Variants in SCGB1D4 observed in about 807,000 individuals in gnomAD.
SCGB1D4 encodes the protein secretoglobin family 1D member 4.
Under a neutral mutation model 8.1 loss-of-function variants are expected in SCGB1D4, and 6 were observed. The ratio of observed to expected loss-of-function variants is 0.74; its 90% CI spans 0.40 to 1.45. The LOEUF (loss-of-function observed/expected upper bound fraction) is 1.45, where lower values mean the gene tolerates loss of function less well. SCGB1D4 is among the 40% of genes most tolerant of loss of function. The probability of loss-of-function intolerance (pLI) is 0.02; values close to 1 mark genes in which losing one functional copy is unlikely to be tolerated. For missense variants in SCGB1D4, 93 were observed against 95.0 expected, an observed-to-expected ratio of 0.98 and a Z score of 0.09; for synonymous variants, 34 against 38.1, an observed-to-expected ratio of 0.89 and a Z score of 0.39.
At chr11:62,297,403 A>G (rs1945448931) in intron 2 of SCGB1D4, 69 bp downstream of exon 2, 2 of 1,245,394 alleles carry the variant, frequency 1.6e-6, no homozygotes, top group African/African-American at 1.5e-5. Flanking sequence ...GTGACCTGAC[A>G]AGAAACATGC....
chr11:62,297,597 G>A lies in SCGB1D4; in HGVS notation c.117C>T (p.Asp39=), dbSNP rs763776364. 1.4e-5 allele frequency: 22 copies of A among 1,614,096 alleles called. No homozygotes were observed. Among genetic ancestry groups the A allele is most frequent in the Non-Finnish European group, 1.7e-5 (20 of 1,179,968 alleles). The change falls in exon 2 of 3, where the codon GAC becomes GAT. Residue 39 remains aspartate, a synonymous_variant. Coordinates refer to ENST00000358585, the MANE Select transcript of SCGB1D4 (RefSeq NM_206998.2). ...SEITVFLFLS[D]AAVNLQVAKL... is the part of the protein sequence containing the mutation. ...TGGCAACTTGGAGGTTTACCGCAGC[G>A]TCACTTAAGAATAAGAAGACTGTGA...
chr11:62,297,505 G>C lies in SCGB1D4; in HGVS notation c.209C>G (p.Ser70Cys). ...LEVKHCTDQI[S>C]FKKRLSLKKS... ...TTTCAATGAGAGTCGTTTCTTAAAAGATATCTGATCGGTGCAGTGCTTCAC... is the reference window on the plus strand; with the variant it reads ...TTTCAATGAGAGTCGTTTCTTAAAACATATCTGATCGGTGCAGTGCTTCAC... Residue 70 changes from serine (S) to cysteine (C), a missense_variant, in exon 2 of 3, where the codon TCT (serine) becomes TGT (cysteine). Ser to Cys is a moderately radical substitution (Grantham distance 112). Transcript: ENST00000358585. 6.3e-7 allele frequency: 1 copy of C among 1,581,286 alleles called. No individual in the cohort carries two copies. Among genetic ancestry groups the C allele is most frequent in the East Asian group, 2.3e-5 (1 of 44,234 alleles).
chr11:62,297,218 C>T (rs922922136), intron 2 of SCGB1D4, among the ~76,000 whole-genome samples: 1 of 152,204 alleles, frequency 6.6e-6, no homozygotes, highest in African/African-American at 2.4e-5. Flanking sequence ...CTGTTCAAAT[C>T]TCCCACACTC....
In SCGB1D4 at chr11:62,296,432, A is replaced by AAAAAG. The variant is rs1554992256; in HGVS notation, c.243-14_243-13insCTTTT. The stretch of plus-strand genomic sequence containing the variant: ...TCACTATTTCCACCTGAAATCAAAA[A>AAAAAG]AAAGAAAGAAAGAAAGAAAGGTGAG... On this transcript the variant is annotated splice_polypyrimidine_tract_variant and intron_variant, in intron 2 of 2. Coordinates refer to ENST00000358585, the MANE Select transcript of SCGB1D4 (RefSeq NM_206998.2). The AAAAAG allele has an allele frequency of 3.5e-5, 56 of 1,608,510 alleles. No homozygotes were observed. Among genetic ancestry groups the AAAAAG allele is most frequent in the South Asian group, 2.8e-4 (25 of 90,858 alleles).
At chr11:62,296,610 A>G (rs983010205) in intron 2 of SCGB1D4, among the ~76,000 whole-genome samples, 191 bp from the exon 3 acceptor site, 1 of 152,210 alleles carries the variant, frequency 6.6e-6, no homozygotes, top group Admixed American at 6.5e-5. Context: ...CTGGTGAGAA[A>G]GCAGCCTTTC....
At position 62,298,151 on chromosome 11, in the gene SCGB1D4, G is replaced by T. The variant is rs116442993; in HGVS notation, c.56-493C>A. Among the ~76,000 whole-genome samples, 606 of 150,186 alleles carry T rather than the reference G, an allele frequency of 4.0e-3. 2 individuals are homozygous for T. The highest frequency in any genetic ancestry group is 0.014 in the African/African-American group (565 of 40,842). The stretch of plus-strand genomic sequence containing the variant: ...GATCTGCCCACTGTGGCCTCCCAAA[G>T]TGCTAAGATTACAGGAATGAGACAC... On this transcript the variant is annotated intron_variant, in intron 1 of 2. Coordinates refer to ENST00000358585, the MANE Select transcript of SCGB1D4 (RefSeq NM_206998.2).
chr11:62,297,547 A>G lies in SCGB1D4; in HGVS notation c.167T>C (p.Leu56Pro). 6.2e-7 allele frequency: 1 copy of G among 1,614,204 alleles called. No homozygotes were observed. The highest frequency in any genetic ancestry group is 8.5e-7 in the Non-Finnish European group (1 of 1,180,014). Residue 56 changes from leucine (L) to proline (P), a missense_variant, in exon 2 of 3, where the codon CTT becomes CCT. Physicochemically the swap from Leu to Pro is moderately conservative, Grantham distance 98 (BLOSUM62 -3). Coordinates refer to ENST00000358585, the MANE Select transcript of SCGB1D4 (RefSeq NM_206998.2). ...GTGCTTCACTTCCAACTTGGCTGCA[A>G]GAGCTTCTGGAGGTGGATTAAGTTT... ...VAKLNPPPEA[L>P]AAKLEVKHCT...
chr11:62,298,921 G>C (rs1428632043), intron 1 of SCGB1D4, 35 bp downstream of exon 1: 1 of 1,607,038 alleles, frequency 6.2e-7, no homozygotes, highest in Non-Finnish European at 8.5e-7. Flanking sequence ...GTGCATCCCA[G>C]GGGCTGGTGC....
At chr11:62,296,458 G>T in intron 2 of SCGB1D4, 39 bp from the exon 3 acceptor site, 1 of 1,599,274 alleles carries the variant, frequency 6.3e-7, no homozygotes, top group Non-Finnish European at 8.5e-7. Flanking sequence ...GAAAGGTGAG[G>T]TCAGTCATGC....
At chr11:62,297,283 G>A (rs139406435) in intron 2 of SCGB1D4, among the ~76,000 whole-genome samples, 189 bp downstream of exon 2, 4 of 152,304 alleles carry the variant, frequency 2.6e-5, no homozygotes, top group African/African-American at 9.6e-5. Flanking sequence ...TTGACCTCAG[G>A]AAAGATCCCA....
chr11:62,298,048 T>G (rs866043172), intron 1 of SCGB1D4, among the ~76,000 whole-genome samples: 3 of 102,976 alleles, frequency 2.9e-5, no homozygotes, highest in African/African-American at 7.8e-5. Flanking sequence ...GTGTGTGTGT[T>G]TTGTTTTGTT....
chr11:62,296,428 A>C lies in SCGB1D4; in HGVS notation c.243-9T>G, dbSNP rs1945441585. 1 of 1,511,678 alleles carries C rather than the reference A, an allele frequency of 6.6e-7. No individual in the cohort carries two copies. The highest frequency in any genetic ancestry group is 8.9e-7 in the Non-Finnish European group (1 of 1,117,954). The allele number at this position is 1,511,678 out of a possible 1,614,324, so 93.6% of individuals were successfully genotyped here. On this transcript the variant is annotated splice_polypyrimidine_tract_variant and intron_variant, in intron 2 of 2. Transcript: ENST00000358585. ...TTTTTCACTATTTCCACCTGAAATCAAAAAAAAGAAAGAAAGAAAGAAAGG... is the reference window on the plus strand; with the variant it reads ...TTTTTCACTATTTCCACCTGAAATCCAAAAAAAGAAAGAAAGAAAGAAAGG...
Position 62,297,572 on chromosome 11 carries a change from T to G in SCGB1D4, c.142A>C (p.Lys48Gln). The G allele has an allele frequency of 3.1e-6, 5 of 1,614,124 alleles. No homozygotes were observed. Among genetic ancestry groups the G allele is most frequent in the Non-Finnish European group, 4.2e-6 (5 of 1,179,952 alleles). ...SDAAVNLQVAKLNPPPEALAA... is the reference protein window; with the variant it reads ...SDAAVNLQVAQLNPPPEALAA... ...AGAGCTTCTGGAGGTGGATTAAGTT[T>G]GGCAACTTGGAGGTTTACCGCAGCG... is the stretch of plus-strand genomic sequence containing the variant. The change falls in exon 2 of 3, where the codon AAA becomes CAA. Residue 48 changes from lysine to glutamine, a missense_variant. Transcript: ENST00000358585.
rs202097222 is a variant in SCGB1D4, at chr11:62,298,948, G to T, written c.55+8C>A. ...GGCTGGTGCTGGACTCATGACTGAT[G>T]TACTCACCCTGGTAGCAGCAAAGGG... On this transcript the variant is annotated splice_region_variant and intron_variant, in intron 1 of 2. Transcript: ENST00000358585. 2 of 1,613,770 alleles carry T rather than the reference G, an allele frequency of 1.2e-6. No homozygotes were observed. The highest frequency in any genetic ancestry group is 2.2e-5 in the East Asian group (1 of 44,880).
At chr11:62,296,497 A>G in intron 2 of SCGB1D4, 78 bp from the exon 3 acceptor site, 1 of 1,452,228 alleles carries the variant, frequency 6.9e-7, no homozygotes. Context: ...GCTAACATCA[A>G]AGAGGCCAAT....
At chr11:62,298,238 C>T (rs1166840741) in intron 1 of SCGB1D4, among the ~76,000 whole-genome samples, 4 of 151,766 alleles carry the variant, frequency 2.6e-5, no homozygotes, top group Non-Finnish European at 4.4e-5. Flanking sequence ...CATAGCCACT[C>T]CTGGCAGAAG....
At chr11:62,298,049 T>TG (rs1945458395) in intron 1 of SCGB1D4, among the ~76,000 whole-genome samples, 1 of 97,528 alleles carries the variant, frequency 1.0e-5, no homozygotes, top group African/African-American at 3.8e-5. Context: ...TGTGTGTGTT[T>TG]TGTTTTGTTT....
chr11:62,298,528 G>T (rs1945462819), intron 1 of SCGB1D4, among the ~76,000 whole-genome samples: 1 of 152,078 alleles, frequency 6.6e-6, no homozygotes, highest in Non-Finnish European at 1.5e-5. Context: ...GGAGGCCGAG[G>T]CGGGCAGATC....
At chr11:62,297,370 CTG>C in intron 2 of SCGB1D4, 100 bp downstream of exon 2, 2 of 967,154 alleles carry the variant, frequency 2.1e-6, no homozygotes, top group Non-Finnish European at 1.6e-6. Context: ...TCAGCACACT[CTG>C]GGGACACAGC....
Sources: gnomAD v4.1 joint callset for allele counts (sites outside exome capture counted in the v4.1 genomes callset) on GRCh38, gnomAD v4.1.1 for gene constraint, MANE v1.5 for transcripts, NCBI Gene and HGNC (gene_info 2026-07-23, HGNC 2026-07-21) for gene names.